FMN1: variants seen among roughly 807,000 people sequenced by gnomAD.
FMN1 encodes the protein formin 1, also known as formin-1.
In FMN1, 110 loss-of-function variants were observed where a neutral mutation model predicts 132.4. The ratio of observed to expected loss-of-function variants is 0.83; its 90% confidence interval spans 0.71 to 0.97. The LOEUF is 0.97. FMN1 is among the 50% of genes least tolerant of loss of function. The pLI is 0.00. For synonymous variants in FMN1, 722 were observed against 651.7 expected (o/e 1.11, Z -1.64); for missense variants, 1,792 against 1,705.3 (o/e 1.05, Z -0.90).
intron 4 of FMN1, among the ~76,000 whole-genome samples, chr15:33,118,955 G>A (rs1962293089): frequency 6.6e-6 from 1 of 151,150 alleles, no homozygotes; most frequent in South Asian, 2.1e-4. Context: ...TCTTAGTTTT[G>A]TTCAACATAA....
intron 19 of FMN1, among the ~76,000 whole-genome samples, chr15:32,780,215 C>A (rs1204383232): frequency 6.6e-6 from 1 of 152,190 alleles, no homozygotes; most frequent in Admixed American, 6.5e-5. Context: ...ACCTTTTGGG[C>A]TGCATTTCCA....
At chr15:33,179,795 A>C (rs1049977086) in intron 3 of FMN1, among the ~76,000 whole-genome samples, 1 of 152,214 alleles carries the variant, frequency 6.6e-6, no homozygotes, top group Non-Finnish European at 1.5e-5. Flanking sequence ...AGTGTTTAAA[A>C]TAGTGCCTGG....
At chr15:33,162,109 C>G (rs908896391) in intron 3 of FMN1, among the ~76,000 whole-genome samples, 2 of 151,882 alleles carry the variant, frequency 1.3e-5, no homozygotes, top group African/African-American at 4.8e-5. Context: ...GCTTCTGGGC[C>G]CAGGCAATTC....
At chr15:32,929,981 ATTTTTTT>A (rs377263342) in intron 9 of FMN1, among the ~76,000 whole-genome samples, 59 of 91,980 alleles carry the variant, frequency 6.4e-4, no homozygotes, top group East Asian at 5.1e-3. Context: ...CTATTTTTAA[ATTTTTTT>A]TTTTTTTTTT....
intron 9 of FMN1, among the ~76,000 whole-genome samples, chr15:32,947,178 T>G (rs754351873): frequency 1.8e-4 from 27 of 152,168 alleles, no homozygotes; most frequent in African/African-American, 6.0e-4. Context: ...CATTGTTACA[T>G]CTGGCATTGT....
At chr15:32,994,211 T>TA (rs2033622828) in intron 7 of FMN1, among the ~76,000 whole-genome samples, 1 of 49,508 alleles carries the variant, frequency 2.0e-5, no homozygotes, top group Non-Finnish European at 4.3e-5. Flanking sequence ...TAGAACTCAT[T>TA]CCTCTCTCTC....
chr15:32,877,869 C>T (rs1351160998), intron 16 of FMN1, among the ~76,000 whole-genome samples: 2 of 147,028 alleles, frequency 1.4e-5, no homozygotes. Context: ...TGTTCATTTG[C>T]TCATTCATTC....
At chr15:33,156,932 G>T (rs1221852938) in intron 3 of FMN1, among the ~76,000 whole-genome samples, 14 of 152,092 alleles carry the variant, frequency 9.2e-5, no homozygotes, top group Non-Finnish European at 2.1e-4. Context: ...CAATTCCCAT[G>T]GATTAGGAGT....
At chr15:32,921,671 TTTTTTTTC>T (rs1297711845) in intron 10 of FMN1, among the ~76,000 whole-genome samples, 1 of 110,058 alleles carries the variant, frequency 9.1e-6, no homozygotes, top group African/African-American at 5.8e-5. Context: ...CAGCTGTGTC[TTTTTTTTC>T]TTTTTTTTTT....
intron 6 of FMN1, among the ~76,000 whole-genome samples, chr15:33,025,721 G>A (rs1328749239): frequency 6.6e-6 from 1 of 152,126 alleles, no homozygotes; most frequent in African/African-American, 2.4e-5. Context: ...AAAACCTATT[G>A]TATCTCAAAA....
At chr15:32,971,017 G>A (rs748482427) in intron 7 of FMN1, among the ~76,000 whole-genome samples, 26 of 152,154 alleles carry the variant, frequency 1.7e-4, no homozygotes, top group South Asian at 2.1e-4. Flanking sequence ...GCTGAGTGCC[G>A]AGTTTGGACT....
At chr15:33,125,438 T>C (rs1263508838) in intron 4 of FMN1, among the ~76,000 whole-genome samples, 3 of 136,288 alleles carry the variant, frequency 2.2e-5, no homozygotes, top group Non-Finnish European at 3.3e-5. Flanking sequence ...AGACAATATG[T>C]GTAGAAGATT....
At chr15:33,014,282 C>G (rs570547895) in intron 6 of FMN1, among the ~76,000 whole-genome samples, 1 of 152,198 alleles carries the variant, frequency 6.6e-6, no homozygotes, top group African/African-American at 2.4e-5. Flanking sequence ...CCCCCTGCCC[C>G]CAGATGCTTC....
intron 4 of FMN1, among the ~76,000 whole-genome samples, chr15:33,097,572 G>GC: frequency 6.6e-6 from 1 of 152,106 alleles, no homozygotes; most frequent in East Asian, 1.9e-4. Context: ...AGAACATGCA[G>GC]CCCAAAAGAC....
chr15:32,816,334 A>G (rs903029825), intron 17 of FMN1, among the ~76,000 whole-genome samples: 2 of 152,246 alleles, frequency 1.3e-5, no homozygotes, highest in Non-Finnish European at 1.5e-5. Context: ...TGATGTGCCT[A>G]AAGTTACGTC....
chr15:33,064,416 A>G (rs982431697), intron 6 of FMN1: 3 of 152,224 alleles, frequency 2.0e-5, no homozygotes, highest in African/African-American at 7.2e-5. Context: ...AAATTCAAGT[A>G]AAGTTCCTAG....
At chr15:32,847,231 G>A (rs1392128838) in intron 17 of FMN1, among the ~76,000 whole-genome samples, 1 of 152,118 alleles carries the variant, frequency 6.6e-6, no homozygotes, top group African/African-American at 2.4e-5. Flanking sequence ...TTCTACCAAA[G>A]CAAGCAAATA....
chr15:32,834,324 G>C (rs1426810540), intron 17 of FMN1, among the ~76,000 whole-genome samples: 1 of 152,102 alleles, frequency 6.6e-6, no homozygotes, highest in Non-Finnish European at 1.5e-5. Flanking sequence ...CCTCTCACAT[G>C]GTGTGTGGAA....
intron 4 of FMN1, among the ~76,000 whole-genome samples, chr15:33,102,560 T>A (rs1459905944): frequency 6.6e-6 from 1 of 152,050 alleles, no homozygotes; most frequent in Non-Finnish European, 1.5e-5. Flanking sequence ...CTCCCTGTCT[T>A]CTCTTTCTTC....
Sources: gnomAD v4.1 joint callset for allele counts (sites outside exome capture counted in the v4.1 genomes callset) on GRCh38, gnomAD v4.1.1 for gene constraint, MANE v1.5 for transcripts, NCBI Gene and HGNC (gene_info 2026-07-23, HGNC 2026-07-21) for gene names.